The following CUEDC1 variants were observed in gnomAD, a reference collection of about 807,000 sequenced individuals.
CUEDC1 encodes the protein CUE domain-containing protein 1.
In CUEDC1, 30 loss-of-function variants were observed where a neutral mutation model predicts 43.7. That is an observed-to-expected ratio of 0.69 (90% confidence interval 0.51 to 0.93). The LOEUF is 0.93. Among genes scored for constraint, CUEDC1 ranks in the 40% least tolerant of loss-of-function variants. CUEDC1 has a pLI of 0.00. For synonymous variants in CUEDC1, 223 were observed against 223.6 expected, an observed-to-expected ratio of 1.00 and a Z score of 0.02; for missense variants, 486 against 549.0, an observed-to-expected ratio of 0.89 and a Z score of 1.15.
chr17:57,921,568 AAT>A lies in CUEDC1; in HGVS notation c.-316+33655_-316+33656del, dbSNP rs150331142. On this transcript the variant is annotated intron_variant, in intron 1 of 10. Coordinates refer to ENST00000577830, the MANE Select transcript of CUEDC1 (RefSeq NM_001271875.2). ...ACATGAAAAGAAAGGGCTATTTCTC[AAT>A]GTCTGGCCCATTTGCTTTGTGCTTC... Among the ~76,000 whole-genome samples, 21 of 152,318 alleles carry A rather than the reference AAT, an allele frequency of 1.4e-4. No homozygotes were observed. The East Asian group carries it at 4.1e-3, about 29-fold the overall frequency.
chr17:57,882,179 A>T (rs1187140326), intron 2 of CUEDC1, among the ~76,000 whole-genome samples: 1 of 151,626 alleles, frequency 6.6e-6, no homozygotes, highest in African/African-American at 2.4e-5. Flanking sequence ...ATCAGCCCCC[A>T]GAAAGGGTTT....
intron 8 of CUEDC1, 46 bp from the exon 9 acceptor site, chr17:57,867,461 G>A: frequency 6.7e-7 from 1 of 1,503,344 alleles, no homozygotes; most frequent in South Asian, 1.2e-5. Flanking sequence ...AGGGGACACT[G>A]CCCTAGTCCT....
intron 3 of CUEDC1, among the ~76,000 whole-genome samples, chr17:57,877,594 G>A (rs1262021867): frequency 6.5e-5 from 6 of 92,996 alleles, no homozygotes; most frequent in African/African-American, 1.6e-4. Context: ...AAAAAAAAAA[G>A]GTGGGGGTGG....
At chr17:57,863,597 T>C (rs2073912509) in intron 10 of CUEDC1, among the ~76,000 whole-genome samples, 1 of 152,132 alleles carries the variant, frequency 6.6e-6, no homozygotes. Flanking sequence ...CCCATTCTAA[T>C]ACGTCATAGC....
In CUEDC1 at chr17:57,910,597, TA is replaced by T. The variant is rs543620245; in HGVS notation, c.-315-24719del. Among the ~76,000 whole-genome samples, 159 of 147,138 alleles carry T rather than the reference TA, an allele frequency of 1.1e-3. 2 individuals are homozygous for T. Among genetic ancestry groups the T allele is most frequent in the African/African-American group, 3.7e-3 (149 of 39,738 alleles). On this transcript the variant is annotated intron_variant, in intron 1 of 10. Transcript: ENST00000577830. Reference sequence around the variant, plus strand: ...GGCAACATGGTGAGATCCTGTCTCTTAAAAAAAGAAAAGAAAGGAAAGAAAA... The same window carrying T: ...GGCAACATGGTGAGATCCTGTCTCTTAAAAAAGAAAAGAAAGGAAAGAAAA...
At chr17:57,933,850 C>T (rs1346439440) in intron 1 of CUEDC1, among the ~76,000 whole-genome samples, 2 of 152,078 alleles carry the variant, frequency 1.3e-5, no homozygotes, top group African/African-American at 2.4e-5. Flanking sequence ...GATCTTTCTC[C>T]CTACACCTCC....
At chr17:57,924,910 A>G (rs1446816686) in intron 1 of CUEDC1, among the ~76,000 whole-genome samples, 1 of 152,194 alleles carries the variant, frequency 6.6e-6, no homozygotes, top group African/African-American at 2.4e-5. Flanking sequence ...TGAGGCTTAA[A>G]ATAAAGATGA....
At chr17:57,865,005 C>G (rs139691293) in intron 10 of CUEDC1, among the ~76,000 whole-genome samples, 7,224 of 152,134 alleles carry the variant, frequency 0.047, 585 homozygotes, top group African/African-American at 0.16. Flanking sequence ...TGCAATGAGC[C>G]AAGATTGTGC....
chr17:57,884,162 C>G (rs2074253533), intron 2 of CUEDC1, among the ~76,000 whole-genome samples: 1 of 151,820 alleles, frequency 6.6e-6, no homozygotes, highest in Admixed American at 6.6e-5. Context: ...TGGCTATGCT[C>G]CCAGGATACA....
At chr17:57,949,933 T>C (rs190761966) in intron 1 of CUEDC1, among the ~76,000 whole-genome samples, 1 of 152,320 alleles carries the variant, frequency 6.6e-6, no homozygotes, top group East Asian at 1.9e-4. Context: ...TCTGCCACTT[T>C]CTAGCCATGT....
At chr17:57,924,201 G>T (rs1439423648) in intron 1 of CUEDC1, among the ~76,000 whole-genome samples, 2 of 152,170 alleles carry the variant, frequency 1.3e-5, no homozygotes, top group African/African-American at 4.8e-5. Context: ...CGCCTCCCAG[G>T]TTCAAGCGAT....
intron 1 of CUEDC1, among the ~76,000 whole-genome samples, chr17:57,950,663 G>A (rs1399752324): frequency 1.3e-5 from 2 of 152,014 alleles, no homozygotes. Context: ...AGTAGAGACA[G>A]GGTTTCACCA....
chr17:57,946,196 C>T (rs1186833254), intron 1 of CUEDC1, among the ~76,000 whole-genome samples: 3 of 152,160 alleles, frequency 2.0e-5, no homozygotes, highest in Non-Finnish European at 2.9e-5. Context: ...AAGCACTTAA[C>T]GACCCACAAC....
At chr17:57,869,652 G>A (rs1568027524) in intron 6 of CUEDC1, among the ~76,000 whole-genome samples, 2 of 152,232 alleles carry the variant, frequency 1.3e-5, no homozygotes, top group African/African-American at 2.4e-5. Context: ...GCTCAGAGCC[G>A]GCATTCACCT....
rs2073881913 is a variant in CUEDC1, at chr17:57,861,904, G to C, written c.*1385C>G. ...CCCCGAGCCAGCGTCCCGGCCCCGC[G>C]CGCGTTTCCAAACTTGGTCACGCTC... is the stretch of plus-strand genomic sequence containing the variant. On this transcript the variant is annotated 3_prime_UTR_variant, in exon 11 of 11. Transcript: ENST00000577830. The C allele has an allele frequency of 6.6e-6, 1 of 151,592 alleles. No homozygotes were observed. Among genetic ancestry groups the C allele is most frequent in the Non-Finnish European group, 1.5e-5 (1 of 67,960 alleles). The allele number at this position is 151,592 out of a possible 1,614,324, so 9.4% of individuals were successfully genotyped here.
At chr17:57,943,685 A>G (rs145245047) in intron 1 of CUEDC1, among the ~76,000 whole-genome samples, 1 of 152,082 alleles carries the variant, frequency 6.6e-6, no homozygotes, top group African/African-American at 2.4e-5. Context: ...ATCCACATAC[A>G]TGCAACCCTC....
chr17:57,870,852 A>G (rs1258170389), intron 6 of CUEDC1, among the ~76,000 whole-genome samples: 1 of 151,912 alleles, frequency 6.6e-6, no homozygotes, highest in Non-Finnish European at 1.5e-5. Flanking sequence ...AATTTTTAGT[A>G]CTTTTTTGGT....
At position 57,884,323 on chromosome 17, in the gene CUEDC1, G is replaced by A. The variant is rs142202543; in HGVS notation, c.336+906C>T. Among the ~76,000 whole-genome samples, 1,131 of 146,846 alleles carry A rather than the reference G, an allele frequency of 7.7e-3. 14 individuals are homozygous for A. The highest frequency in any genetic ancestry group is 0.027 in the African/African-American group (1,069 of 39,552). Reference sequence around the variant, plus strand: ...GGCGATTCTCCTGCCTCAGCCTCCCGAGTAGCTGGGACTACAGGTGCGCAC... The same window carrying A: ...GGCGATTCTCCTGCCTCAGCCTCCCAAGTAGCTGGGACTACAGGTGCGCAC... On this transcript the variant is annotated intron_variant, in intron 2 of 10. Transcript: ENST00000577830.
intron 10 of CUEDC1, among the ~76,000 whole-genome samples, 200 bp downstream of exon 10, chr17:57,866,270 GAATA>G (rs1262573292): frequency 2.0e-5 from 3 of 152,176 alleles, no homozygotes; most frequent in Non-Finnish European, 4.4e-5. Flanking sequence ...TTTGTCAAAT[GAATA>G]AATAACCAAA....
Sources: gnomAD v4.1 joint callset for allele counts (sites outside exome capture counted in the v4.1 genomes callset) on GRCh38, gnomAD v4.1.1 for gene constraint, MANE v1.5 for transcripts, NCBI Gene and HGNC (gene_info 2026-07-23, HGNC 2026-07-21) for gene names.